Variants in NUP210L observed in about 807,000 individuals in gnomAD.
NUP210L encodes the protein nucleoporin 210 like.
Under a neutral mutation model 208.5 loss-of-function variants are expected in NUP210L, and 74 were observed. That is an observed-to-expected ratio of 0.35 (90% confidence interval 0.29 to 0.43). NUP210L has a LOEUF of 0.43. Among genes scored for constraint, NUP210L ranks in the 20% least tolerant of loss-of-function variants. NUP210L has a pLI of 1.00. For synonymous variants in NUP210L, 780 were observed against 816.9 expected (o/e 0.95, Z 0.77); for missense variants, 1,843 against 2,289.4 (o/e 0.81, Z 3.98).
intron 2 of NUP210L, among the ~76,000 whole-genome samples, chr1:154,145,447 A>T (rs1256136295): frequency 1.3e-5 from 2 of 152,140 alleles, no homozygotes; most frequent in African/African-American, 4.8e-5. Flanking sequence ...TTGAAAAAAA[A>T]ATCAAAGGAG....
At chr1:154,040,068 G>A (rs1025675387) in intron 27 of NUP210L, 1 of 152,086 alleles carries the variant, frequency 6.6e-6, no homozygotes, top group Non-Finnish European at 1.5e-5. Flanking sequence ...TATCACTCAG[G>A]CTGAAGTGCA....
chr1:154,064,926 A>G (rs1654321448), intron 17 of NUP210L, among the ~76,000 whole-genome samples: 1 of 151,620 alleles, frequency 6.6e-6, no homozygotes, highest in Non-Finnish European at 1.5e-5. Flanking sequence ...AATACAAAAA[A>G]TTAGCCAGGT....
exon 5 of NUP210L, chr1:154,139,925 A>G (rs1400893955): frequency 6.2e-7 from 1 of 1,611,238 alleles, no homozygotes; most frequent in Admixed American, 1.7e-5. Context: ...TTGGGGGAGC[A>G]TATTCTGCTT....
chr1:154,040,613 G>A (rs1652819923), intron 27 of NUP210L, among the ~76,000 whole-genome samples: 1 of 150,356 alleles, frequency 6.7e-6, no homozygotes, highest in African/African-American at 2.4e-5. Context: ...TTGAGATGGA[G>A]TCTCACTCTG....
intron 17 of NUP210L, among the ~76,000 whole-genome samples, chr1:154,069,277 G>A (rs187105655): frequency 5.8e-4 from 89 of 152,186 alleles, no homozygotes; most frequent in Middle Eastern, 3.4e-3. Flanking sequence ...GAATGGGAGA[G>A]AATTTTTGCA....
intron 8 of NUP210L, 139 bp from the exon 9 acceptor site, chr1:154,127,556 T>A: frequency 2.7e-4 from 30 of 110,082 alleles, no homozygotes; most frequent in Middle Eastern, 3.5e-3. Flanking sequence ...GTAGGTTCTT[T>A]TTTTTTTTTT....
At chr1:154,132,500 G>GAACAT (rs1658309433) in intron 7 of NUP210L, among the ~76,000 whole-genome samples, 1 of 152,006 alleles carries the variant, frequency 6.6e-6, no homozygotes. Flanking sequence ...CCATCTCCAT[G>GAACAT]AACAGTTCCA....
intron 23 of NUP210L, among the ~76,000 whole-genome samples, chr1:154,055,974 G>A (rs189611373): frequency 2.8e-3 from 431 of 152,188 alleles, no homozygotes; most frequent in Non-Finnish European, 5.0e-3. Context: ...CAGGAGAATC[G>A]CTTGAACCCA....
intron 36 of NUP210L, 82 bp from the exon 37 acceptor site, chr1:154,001,142 G>A (rs888896359): frequency 9.4e-7 from 1 of 1,058,900 alleles, no homozygotes; most frequent in African/African-American, 1.6e-5. Context: ...AACATATACA[G>A]TACAATAATT....
At chr1:154,023,786 G>A (rs1434611800) in intron 30 of NUP210L, among the ~76,000 whole-genome samples, 1 of 147,018 alleles carries the variant, frequency 6.8e-6, no homozygotes, top group Middle Eastern at 3.9e-3. Flanking sequence ...CTTGAAATGG[G>A]TTTTTAATTT....
intron 27 of NUP210L, among the ~76,000 whole-genome samples, chr1:154,041,644 G>GA (rs201900359): frequency 0.03 from 3,770 of 125,326 alleles, 179 homozygotes; most frequent in East Asian, 0.23. Flanking sequence ...GAAAACTAGA[G>GA]AAAAAAAAAA....
At chr1:154,024,535 T>G (rs1317472102) in intron 30 of NUP210L, among the ~76,000 whole-genome samples, 1 of 152,170 alleles carries the variant, frequency 6.6e-6, no homozygotes, top group Non-Finnish European at 1.5e-5. Flanking sequence ...GCTTAATTTT[T>G]TAAAAAGAAA....
intron 17 of NUP210L, among the ~76,000 whole-genome samples, chr1:154,064,945 G>A (rs1179519155): frequency 6.6e-6 from 1 of 151,804 alleles, no homozygotes; most frequent in South Asian, 2.1e-4. Context: ...GTGAGGTGGT[G>A]CAGGCCTGTA....
chr1:154,056,678 C>T (rs1198255079), intron 23 of NUP210L, 137 bp downstream of exon 23: 3 of 811,180 alleles, frequency 3.7e-6, no homozygotes, highest in Non-Finnish European at 5.6e-6. Flanking sequence ...ACCTCAGCCT[C>T]CCAAAGTGCT....
chr1:154,060,543 A>T, exon 20 of NUP210L: 1 of 1,606,676 alleles, frequency 6.2e-7, no homozygotes, highest in Non-Finnish European at 8.5e-7. Flanking sequence ...AGCTCACCTC[A>T]ACAGAGCTTT....
intron 27 of NUP210L, among the ~76,000 whole-genome samples, chr1:154,045,043 G>T (rs1653096965): frequency 6.6e-6 from 1 of 152,130 alleles, no homozygotes; most frequent in African/African-American, 2.4e-5. Context: ...GTAGTGAATT[G>T]GGAGGAGCCA....
chr1:154,113,700 A>G (rs932646535), intron 12 of NUP210L, among the ~76,000 whole-genome samples: 1 of 151,588 alleles, frequency 6.6e-6, no homozygotes, highest in East Asian at 1.9e-4. Context: ...TCTACTAAAA[A>G]TACAAAAATT....
At chr1:154,082,203 T>C (rs1297631064) in intron 16 of NUP210L, among the ~76,000 whole-genome samples, 7 of 152,200 alleles carry the variant, frequency 4.6e-5, no homozygotes, top group East Asian at 1.9e-4. Context: ...ACCAAACTTG[T>C]TGGTCATAAG....
chr1:154,100,119 T>G, exon 14 of NUP210L: 1 of 1,614,084 alleles, frequency 6.2e-7, no homozygotes, highest in South Asian at 1.1e-5. Context: ...ACTGGAACAA[T>G]GCATTGGTCC....
Sources: gnomAD v4.1 joint callset for allele counts (sites outside exome capture counted in the v4.1 genomes callset) on GRCh38, gnomAD v4.1.1 for gene constraint, MANE v1.5 for transcripts, NCBI Gene and HGNC (gene_info 2026-07-23, HGNC 2026-07-21) for gene names.